The following NRG1 variants were observed in gnomAD, a reference collection of about 807,000 sequenced individuals.
The protein encoded by NRG1 is pro-neuregulin-1, membrane-bound isoform.
In NRG1, 18 loss-of-function variants were observed where a neutral mutation model predicts 63.8. That is an observed-to-expected ratio of 0.28 (90% CI 0.19 to 0.42). NRG1 has a LOEUF of 0.42. Ranked by LOEUF, NRG1 falls within the 10% of genes least tolerant of loss-of-function variation. NRG1 has a pLI of 1.00. For missense variants in NRG1, 762 were observed against 814.7 expected, an observed-to-expected ratio of 0.94 and a Z score of 0.79; for synonymous variants, 302 against 301.3, an observed-to-expected ratio of 1.00 and a Z score of -0.02.
chr8:32,034,884 T>C lies in NRG1; in HGVS notation c.37+395453T>C, dbSNP rs570365924. ...AGTGGTCTATTTTTAATTTTTTTTT[T>C]CAAAAAAACAGCTCCTGGATTCATT... On this transcript the variant is annotated intron_variant, in intron 1 of 10. Transcript: ENST00000519301. Among the ~76,000 whole-genome samples the C allele has an allele frequency of 5.8e-4, 87 of 150,626 alleles. 1 individual carries two copies. The highest frequency in any genetic ancestry group is 1.9e-3 in the African/African-American group (79 of 41,338).
At chr8:32,112,261 G>C (rs1213272773) in intron 1 of NRG1, among the ~76,000 whole-genome samples, 2 of 152,170 alleles carry the variant, frequency 1.3e-5, no homozygotes, top group Non-Finnish European at 2.9e-5. Context: ...AAGTGGTTTT[G>C]CTTCATTCCT....
chr8:32,575,974 A>AT, intron 1 of NRG1, among the ~76,000 whole-genome samples: 1 of 152,276 alleles, frequency 6.6e-6, no homozygotes, highest in South Asian at 2.1e-4. Context: ...TATGTGTTTT[A>AT]TTTTTTAAAA....
intron 1 of NRG1, among the ~76,000 whole-genome samples, chr8:32,344,322 T>TTC (rs749046606): frequency 2.4e-5 from 3 of 126,026 alleles, no homozygotes; most frequent in African/African-American, 5.9e-5. Context: ...TTTTCCTTCT[T>TTC]TCTCTTTCTT....
At chr8:32,438,102 T>C (rs1183071648) in intron 1 of NRG1, among the ~76,000 whole-genome samples, 1 of 152,172 alleles carries the variant, frequency 6.6e-6, no homozygotes, top group Non-Finnish European at 1.5e-5. Flanking sequence ...AACTTTGATA[T>C]TGACACTGAT....
In NRG1 at chr8:31,921,471, C is replaced by T. The variant is rs560845809; in HGVS notation, c.37+282040C>T. On this transcript the variant is annotated intron_variant, in intron 1 of 10. Transcript: ENST00000519301. ...TTCACAATCTATTTACACACATACA[C>T]ACACATACACACACACACACACACA... Among the ~76,000 whole-genome samples the T allele has an allele frequency of 4.7e-3, 390 of 82,472 alleles. 1 individual carries two copies. The highest frequency in any genetic ancestry group is 0.019 in the African/African-American group (367 of 19,448). The allele number at this position is 82,472 out of a possible 152,430, so 54.1% of individuals were successfully genotyped here. A position where few individuals can be genotyped will look rare whatever the true frequency, so the allele number is the denominator to read the frequency against.
chr8:32,685,020 T>G (rs562314459), intron 5 of NRG1, among the ~76,000 whole-genome samples: 36 of 152,272 alleles, frequency 2.4e-4, no homozygotes, highest in African/African-American at 8.4e-4. Context: ...TTTTCCCCAA[T>G]GGTAACATTC....
chr8:31,811,038 C>T (rs1822835543), intron 1 of NRG1, among the ~76,000 whole-genome samples: 1 of 152,184 alleles, frequency 6.6e-6, no homozygotes, highest in Admixed American at 6.5e-5. Flanking sequence ...CTATGAGCCT[C>T]CCCGAGGCAG....
intron 1 of NRG1, among the ~76,000 whole-genome samples, chr8:32,252,369 G>T (rs906382976): frequency 1.3e-5 from 2 of 152,104 alleles, no homozygotes; most frequent in African/African-American, 4.8e-5. Context: ...GTTAATTTTT[G>T]TATAAGGTGT....
intron 1 of NRG1, among the ~76,000 whole-genome samples, chr8:32,390,748 A>G (rs1252584410): frequency 6.6e-6 from 1 of 152,098 alleles, no homozygotes; most frequent in East Asian, 1.9e-4. Flanking sequence ...TTGGCTGTTT[A>G]TCTGTCCAAT....
At chr8:32,618,994 C>A (rs113852851) in intron 5 of NRG1, among the ~76,000 whole-genome samples, 2,037 of 152,246 alleles carry the variant, frequency 0.013, 48 homozygotes, top group African/African-American at 0.046. Flanking sequence ...GGGAAGATTG[C>A]TTGAGCCCAA....
chr8:32,159,540 C>CAAAAAAAAAAAAAAA (rs10684266), intron 1 of NRG1, among the ~76,000 whole-genome samples: 1 of 73,692 alleles, frequency 1.4e-5, no homozygotes. Flanking sequence ...GACTCCGTCT[C>CAAAAAAAAAAAAAAA]AAAAAAAAAA....
At chr8:32,729,074 TA>T (rs910432993) in intron 6 of NRG1, among the ~76,000 whole-genome samples, 1 of 151,534 alleles carries the variant, frequency 6.6e-6, no homozygotes, top group Non-Finnish European at 1.5e-5. Context: ...TCCCAAAAAA[TA>T]AAAAAAATAA....
At chr8:31,941,634 C>A (rs568064856) in intron 1 of NRG1, among the ~76,000 whole-genome samples, 1 of 151,970 alleles carries the variant, frequency 6.6e-6, no homozygotes, top group Admixed American at 6.6e-5. Flanking sequence ...GATGGTATAC[C>A]TAGAAACCCT....
intron 1 of NRG1, among the ~76,000 whole-genome samples, chr8:32,023,808 C>T (rs1816820375): frequency 6.8e-6 from 1 of 146,018 alleles, no homozygotes; most frequent in African/African-American, 2.6e-5. Context: ...CAAATAGGGA[C>T]TGGCAGAAGA....
At chr8:31,922,361 G>A (rs1010629075) in intron 1 of NRG1, among the ~76,000 whole-genome samples, 2 of 152,094 alleles carry the variant, frequency 1.3e-5, no homozygotes, top group Non-Finnish European at 2.9e-5. Context: ...CCAACATGAT[G>A]TCACTAAATG....
chr8:32,421,603 A>G (rs1328318841), intron 1 of NRG1, among the ~76,000 whole-genome samples: 1 of 152,226 alleles, frequency 6.6e-6, no homozygotes, highest in African/African-American at 2.4e-5. Context: ...TTAACAAGCT[A>G]TTAGAGCCAA....
At chr8:32,355,605 A>T (rs115570901) in intron 1 of NRG1, among the ~76,000 whole-genome samples, 3,192 of 152,196 alleles carry the variant, frequency 0.021, 105 homozygotes, top group African/African-American at 0.073. Context: ...TCATATAAAC[A>T]AGTGTTTTAC....
chr8:32,690,430 A>G (rs766112646), intron 5 of NRG1, among the ~76,000 whole-genome samples: 9 of 152,108 alleles, frequency 5.9e-5, no homozygotes, highest in Non-Finnish European at 1.0e-4. Flanking sequence ...CTGTATTGCA[A>G]ATTTATCGTG....
At position 31,784,414 on chromosome 8, in the gene NRG1, AATACCCTAGG is replaced by A. The variant is rs1218379778; in HGVS notation, c.37+144984_37+144993del. ...ATGGCAAAATAGCTTGGTGTGCAAA[AATACCCTAGG>A]GTAAAGATAAATGTAATTGTTTTTG... On this transcript the variant is annotated intron_variant, in intron 1 of 10. Coordinates refer to the NRG1 transcript ENST00000519301. Among the ~76,000 whole-genome samples the A allele has an allele frequency of 3.6e-4, 55 of 152,242 alleles. 1 individual carries two copies. The highest frequency in any genetic ancestry group is 1.2e-3 in the African/African-American group (48 of 41,534).
Sources: allele counts gnomAD v4.1 joint callset (sites outside exome capture counted in the v4.1 genomes callset), GRCh38; gene constraint gnomAD v4.1.1; transcripts MANE v1.5; gene names NCBI Gene and HGNC (gene_info 2026-07-23, HGNC 2026-07-21).